NOL4: variants seen among roughly 807,000 people sequenced by gnomAD.
NOL4 encodes cancer/testis antigen 125.
Under a neutral mutation model 75.9 loss-of-function variants are expected in NOL4, and 17 were observed. The ratio of observed to expected loss-of-function variants is 0.22; its 90% CI spans 0.15 to 0.34. The LOEUF (loss-of-function observed/expected upper bound fraction) is 0.34, where lower values mean the gene tolerates loss of function less well. Among genes scored for constraint, NOL4 ranks in the 10% least tolerant of loss-of-function variants. The probability of loss-of-function intolerance (pLI) is 1.00; values close to 1 mark genes in which losing one functional copy is unlikely to be tolerated. For missense variants in NOL4, 614 were observed against 793.5 expected (o/e 0.77, Z 2.72); for synonymous variants, 292 against 289.9 (o/e 1.01, Z -0.07).
chr18:34,013,847 T>C (rs146705129), intron 6 of NOL4, among the ~76,000 whole-genome samples: 3 of 152,064 alleles, frequency 2.0e-5, no homozygotes, highest in African/African-American at 7.2e-5. Context: ...CAGGAGAGTG[T>C]CTCACACATA....
At chr18:34,140,048 T>C (rs1322187641) in intron 1 of NOL4, among the ~76,000 whole-genome samples, 3 of 152,188 alleles carry the variant, frequency 2.0e-5, no homozygotes, top group Non-Finnish European at 4.4e-5. Context: ...GAGAGACAGT[T>C]TGCTATAATT....
intron 1 of NOL4, among the ~76,000 whole-genome samples, chr18:34,140,308 G>T (rs2081088092): frequency 6.6e-6 from 1 of 152,140 alleles, no homozygotes; most frequent in Non-Finnish European, 1.5e-5. Flanking sequence ...TATTGTGTGG[G>T]AGTCTCAGTC....
intron 1 of NOL4, among the ~76,000 whole-genome samples, chr18:34,189,116 A>G (rs2034718434): frequency 6.6e-6 from 1 of 152,164 alleles, no homozygotes; most frequent in Non-Finnish European, 1.5e-5. Flanking sequence ...TGGAAGCTGG[A>G]AAGTCCAAGA....
At chr18:34,132,876 A>G (rs1170540432) in intron 1 of NOL4, among the ~76,000 whole-genome samples, 2 of 152,192 alleles carry the variant, frequency 1.3e-5, no homozygotes, top group East Asian at 3.9e-4. Context: ...CGCAAAAGAA[A>G]CAAAGGAGGT....
At chr18:34,102,233 C>T (rs901057191) in intron 4 of NOL4, among the ~76,000 whole-genome samples, 1 of 151,928 alleles carries the variant, frequency 6.6e-6, no homozygotes, top group Non-Finnish European at 1.5e-5. Context: ...TATATGTTTA[C>T]CCCCACAAAA....
At chr18:34,188,132 G>GT (rs1188311055) in intron 1 of NOL4, among the ~76,000 whole-genome samples, 3 of 152,108 alleles carry the variant, frequency 2.0e-5, no homozygotes, top group African/African-American at 2.4e-5. Context: ...AATTACAGGC[G>GT]TTTTAAGAGT....
At chr18:33,875,380 A>C (rs148731290) in intron 10 of NOL4, among the ~76,000 whole-genome samples, 90 of 152,138 alleles carry the variant, frequency 5.9e-4, no homozygotes, top group African/African-American at 2.1e-3. Flanking sequence ...TCCAACTTGA[A>C]AATTTGGATT....
intron 6 of NOL4, among the ~76,000 whole-genome samples, chr18:33,985,659 T>C (rs1941349): frequency 0.37 from 55,656 of 151,902 alleles, 10,612 homozygotes; most frequent in Non-Finnish European, 0.41. Context: ...CAAAACCCAC[T>C]AACTGTCACA....
chr18:33,972,315 G>C (rs1228020306), intron 6 of NOL4, among the ~76,000 whole-genome samples: 1 of 151,786 alleles, frequency 6.6e-6, no homozygotes, highest in Non-Finnish European at 1.5e-5. Context: ...AATGAGCAAA[G>C]TATTTAAATC....
rs771033131 is a variant in NOL4, at chr18:33,929,576, AGTG to A, written c.1542+13486_1542+13488del. On this transcript the variant is annotated intron_variant, in intron 9 of 10. Coordinates refer to ENST00000261592, the MANE Select transcript of NOL4 (RefSeq NM_003787.5). ...ATCTGCAGTATACAAACACCTGCTC[AGTG>A]GTGATATTGTCAGAATTAAGAATAT... is the stretch of plus-strand genomic sequence containing the variant. Among the ~76,000 whole-genome samples, 22 of 152,286 alleles carry A rather than the reference AGTG, an allele frequency of 1.4e-4. No individual in the cohort carries two copies. In the East Asian group the frequency reaches 4.3e-3, roughly 29 times the overall value.
intron 2 of NOL4, among the ~76,000 whole-genome samples, chr18:34,118,519 T>G (rs1037245331): frequency 6.6e-6 from 1 of 152,182 alleles, no homozygotes; most frequent in Non-Finnish European, 1.5e-5. Context: ...CATAAACATA[T>G]AGAACACCAA....
At chr18:33,932,062 T>G (rs2067727949) in intron 9 of NOL4, among the ~76,000 whole-genome samples, 1 of 152,122 alleles carries the variant, frequency 6.6e-6, no homozygotes, top group African/African-American at 2.4e-5. Context: ...GCTCTTGCAT[T>G]CATGTTGATT....
At chr18:33,983,334 T>C (rs1018794705) in intron 6 of NOL4, among the ~76,000 whole-genome samples, 6 of 152,070 alleles carry the variant, frequency 3.9e-5, no homozygotes, top group Non-Finnish European at 5.9e-5. Flanking sequence ...CTATGGACTT[T>C]AAGTGATGAT....
chr18:34,160,344 GA>G (rs1195028298), intron 1 of NOL4, among the ~76,000 whole-genome samples: 1 of 151,844 alleles, frequency 6.6e-6, no homozygotes, highest in Non-Finnish European at 1.5e-5. Context: ...GGCTTTTCAT[GA>G]AAAAAGATTT....
chr18:34,213,760 T>A (rs1386468246), intron 1 of NOL4, among the ~76,000 whole-genome samples: 1 of 152,150 alleles, frequency 6.6e-6, no homozygotes, highest in African/African-American at 2.4e-5. Context: ...CTGTAAGAAA[T>A]AAATCCTCAT....
chr18:33,884,978 C>A (rs1293525036), intron 9 of NOL4, among the ~76,000 whole-genome samples: 3 of 151,974 alleles, frequency 2.0e-5, no homozygotes, highest in African/African-American at 7.2e-5. Context: ...CAGCTGTACA[C>A]ATGAGACACA....
intron 5 of NOL4, among the ~76,000 whole-genome samples, chr18:34,062,302 C>CT (rs1302887418): frequency 6.6e-6 from 1 of 151,810 alleles, no homozygotes; most frequent in African/African-American, 2.4e-5. Context: ...AGAAAAGGGG[C>CT]TGTAAAAATT....
At position 33,931,307 on chromosome 18, in the gene NOL4, A is replaced by G. The variant is rs147477425; in HGVS notation, c.1542+11758T>C. ...TCAGTGATACTACCCTCTTGGGAAC[A>G]TTGGGGAACTCTATAGCAGGTGCTA... On this transcript the variant is annotated intron_variant, in intron 9 of 10. Coordinates refer to ENST00000261592, the MANE Select transcript of NOL4 (RefSeq NM_003787.5). Among the ~76,000 whole-genome samples the G allele has an allele frequency of 6.6e-5, 10 of 152,276 alleles. No homozygotes were observed. In the East Asian group the frequency reaches 1.7e-3, roughly 26 times the overall value.
intron 6 of NOL4, among the ~76,000 whole-genome samples, chr18:33,974,201 A>G (rs2071310368): frequency 6.6e-6 from 1 of 152,142 alleles, no homozygotes; most frequent in African/African-American, 2.4e-5. Context: ...CTCTTTCCTT[A>G]AACCTTCTGA....
Sources: allele counts gnomAD v4.1 joint callset (sites outside exome capture counted in the v4.1 genomes callset), GRCh38; gene constraint gnomAD v4.1.1; transcripts MANE v1.5; gene names NCBI Gene and HGNC (gene_info 2026-07-23, HGNC 2026-07-21).